The following YTHDC2 variants were observed in gnomAD, a reference collection of about 807,000 sequenced individuals.
The protein encoded by YTHDC2 is YTH N6-methyladenosine RNA binding protein C2.
A neutral mutation model predicts 174.9 loss-of-function variants in YTHDC2; 45 were observed. That is an observed-to-expected ratio of 0.26 (90% CI 0.20 to 0.33). The LOEUF is 0.33. Among genes scored for constraint, YTHDC2 ranks in the 10% least tolerant of loss-of-function variants. The pLI is 1.00. For synonymous variants in YTHDC2, 657 were observed against 574.5 expected, an observed-to-expected ratio of 1.14 and a Z score of -2.05; for missense variants, 1,650 against 1,723.7, an observed-to-expected ratio of 0.96 and a Z score of 0.76.
chr5:113,533,964 C>T (rs1240224772), intron 5 of YTHDC2, among the ~76,000 whole-genome samples: 1 of 151,856 alleles, frequency 6.6e-6, no homozygotes, highest in Non-Finnish European at 1.5e-5. Flanking sequence ...ATTAGTAATG[C>T]CTTCTTGACA....
At chr5:113,585,109 A>G (rs1276389996) in intron 26 of YTHDC2, among the ~76,000 whole-genome samples, 1 of 152,072 alleles carries the variant, frequency 6.6e-6, no homozygotes, top group East Asian at 1.9e-4. Context: ...AAAATAAATA[A>G]CAAAAAGATT....
In YTHDC2 at chr5:113,563,509, T is replaced by C. The variant is rs773688175; in HGVS notation, c.2442+17T>C. ...ATGCTTAAGGTTGGTGTCTTCATAG[T>C]TTTATTTTACATGACATTTTTACTT... On this transcript the variant is annotated intron_variant, in intron 19 of 29. Transcript: ENST00000161863. The C allele has an allele frequency of 6.4e-7, 1 of 1,566,658 alleles. No individual in the cohort carries two copies. The highest frequency in any genetic ancestry group is 1.2e-5 in the South Asian group (1 of 80,368).
intron 26 of YTHDC2, among the ~76,000 whole-genome samples, chr5:113,587,933 C>T (rs570525366): frequency 1.3e-5 from 2 of 151,958 alleles, no homozygotes; most frequent in Non-Finnish European, 2.9e-5. Context: ...TTTAATTTCT[C>T]TCAACAATGT....
intron 23 of YTHDC2, among the ~76,000 whole-genome samples, chr5:113,569,672 C>T (rs1311112935): frequency 6.6e-6 from 1 of 152,152 alleles, no homozygotes. Flanking sequence ...GGTCTTATTT[C>T]TGAGTTCTCT....
chr5:113,580,393 C>G (rs1778323430), intron 24 of YTHDC2, among the ~76,000 whole-genome samples: 1 of 152,130 alleles, frequency 6.6e-6, no homozygotes, highest in East Asian at 1.9e-4. Flanking sequence ...ATACTATTTT[C>G]TCTTTGCATA....
At chr5:113,539,784 C>G (rs891973053) in intron 8 of YTHDC2, among the ~76,000 whole-genome samples, 1 of 152,036 alleles carries the variant, frequency 6.6e-6, no homozygotes, top group South Asian at 2.1e-4. Flanking sequence ...AAAATCTGAA[C>G]TCCTTTGGAT....
chr5:113,541,198 T>TC (rs1580529478), intron 9 of YTHDC2, 82 bp downstream of exon 9: 1 of 1,512,070 alleles, frequency 6.6e-7, no homozygotes, highest in Non-Finnish European at 9.0e-7. Flanking sequence ...TATAATTTTT[T>TC]TTTTTTTTTT....
At position 113,526,528 on chromosome 5, in the gene YTHDC2, T is replaced by TA. The variant is rs1291594284; in HGVS notation, c.476-56dup. ...TTTGGCAAAAAAAATTACTTATTTT[T>TA]AACACTTCTTTTTCCGTGTTGATCA... On this transcript the variant is annotated intron_variant, in intron 3 of 29. Coordinates refer to ENST00000161863, the MANE Select transcript of YTHDC2 (RefSeq NM_022828.5). 3 of 1,414,926 alleles carry TA rather than the reference T, an allele frequency of 2.1e-6. No homozygotes were observed. The African/African-American group carries it at 4.4e-5, about 21-fold the overall frequency. 87.6% of individuals were successfully genotyped at this position (1,414,926 alleles called of 1,614,324 possible).
At chr5:113,546,697 A>G (rs944331457) in intron 10 of YTHDC2, among the ~76,000 whole-genome samples, 2 of 152,232 alleles carry the variant, frequency 1.3e-5, no homozygotes, top group Non-Finnish European at 1.5e-5. Flanking sequence ...CTGAGAGTCA[A>G]GAATCTGGGA....
intron 23 of YTHDC2, among the ~76,000 whole-genome samples, chr5:113,569,180 CT>C (rs1777555800): frequency 6.6e-6 from 1 of 152,076 alleles, no homozygotes; most frequent in Admixed American, 6.6e-5. Context: ...CCTTTGCCCA[CT>C]TTTTAATGGG....
intron 10 of YTHDC2, among the ~76,000 whole-genome samples, chr5:113,544,697 T>G (rs995261222): frequency 1.8e-4 from 13 of 72,322 alleles, no homozygotes; most frequent in Middle Eastern, 5.1e-3. Context: ...AAATTTTTTG[T>G]TTTTTTTTTG....
chr5:113,561,455 A>T (rs997898962), intron 18 of YTHDC2, among the ~76,000 whole-genome samples: 4 of 141,898 alleles, frequency 2.8e-5, no homozygotes, highest in African/African-American at 1.2e-4. Context: ...CTATCTATCT[A>T]TCTATCTATC....
At chr5:113,516,336 C>T (rs1206684800) in intron 2 of YTHDC2, among the ~76,000 whole-genome samples, 1 of 152,080 alleles carries the variant, frequency 6.6e-6, no homozygotes, top group East Asian at 1.9e-4. Context: ...AAAAGTGGTA[C>T]AGGAGGAAAT....
chr5:113,550,362 A>C lies in YTHDC2; in HGVS notation c.1688+1342A>C, dbSNP rs189444629. The stretch of plus-strand genomic sequence containing the variant: ...ATTTGGGAAGAATTACTATCAGATC[A>C]CAGAAAACTAAGCAAATAAAAATTA... On this transcript the variant is annotated intron_variant, in intron 12 of 29. Transcript: ENST00000161863. Among the ~76,000 whole-genome samples the C allele has an allele frequency of 5.9e-5, 9 of 152,330 alleles. No individual in the cohort carries two copies. The East Asian group carries it at 1.3e-3, about 23-fold the overall frequency.
At chr5:113,578,101 A>C (rs1013903300) in intron 23 of YTHDC2, among the ~76,000 whole-genome samples, 4 of 152,178 alleles carry the variant, frequency 2.6e-5, no homozygotes, top group African/African-American at 9.7e-5. Context: ...TCAAATTCTA[A>C]AGTTATACTA....
At position 113,581,691 on chromosome 5, in the gene YTHDC2, A is replaced by G. The variant is rs768564287; in HGVS notation, c.3629A>G (p.Glu1210Gly). The G allele has an allele frequency of 6.3e-7, 1 of 1,584,592 alleles. No individual in the cohort carries two copies. Among genetic ancestry groups the G allele is most frequent in the Non-Finnish European group, 8.6e-7 (1 of 1,166,968 alleles). Residue 1210 changes from glutamate to glycine, a missense_variant, in exon 25 of 30, where the codon GAG (glutamate) becomes GGG (glycine). By Grantham distance (98) the Glu-to-Gly change is moderately conservative. Coordinates refer to ENST00000161863, the MANE Select transcript of YTHDC2 (RefSeq NM_022828.5). Reference protein sequence around the residue: ...KSSADTEFSDECTTAERVLMK... With the variant: ...KSSADTEFSDGCTTAERVLMK... ...TCAGCAGATACTGAATTTTCTGATG[A>G]GTGTACTACTGCAGAAAGGTAAATT... is the stretch of plus-strand genomic sequence containing the variant.
intron 28 of YTHDC2, 171 bp downstream of exon 28, chr5:113,592,349 T>C (rs1163028109): frequency 3.7e-6 from 2 of 542,948 alleles, no homozygotes; most frequent in Non-Finnish European, 6.0e-6. Context: ...TGTAAATGTG[T>C]CTGATTGCTC....
chr5:113,591,534 T>C (rs1779006851), intron 27 of YTHDC2, among the ~76,000 whole-genome samples: 1 of 152,170 alleles, frequency 6.6e-6, no homozygotes, highest in South Asian at 2.1e-4. Context: ...CTTGACCTTT[T>C]GGTAAAATAT....
chr5:113,563,689 A>G (rs1428970780), intron 19 of YTHDC2, among the ~76,000 whole-genome samples, 170 bp from the exon 20 acceptor site: 1 of 152,214 alleles, frequency 6.6e-6, no homozygotes, highest in Admixed American at 6.5e-5. Flanking sequence ...CATGTATGAA[A>G]CAGTAGATAT....
Sources: allele counts gnomAD v4.1 joint callset (sites outside exome capture counted in the v4.1 genomes callset), GRCh38; gene constraint gnomAD v4.1.1; transcripts MANE v1.5; gene names NCBI Gene and HGNC (gene_info 2026-07-23, HGNC 2026-07-21).